PCDHGB1: variants seen among roughly 807,000 people sequenced by gnomAD.
The protein encoded by PCDHGB1 is protocadherin gamma-B1.
A neutral mutation model predicts 56.6 loss-of-function variants in PCDHGB1; 34 were observed. The observed-to-expected ratio is 0.60, with a 90% CI of 0.46 to 0.80. The LOEUF (loss-of-function observed/expected upper bound fraction) is 0.80. Ranked by LOEUF, PCDHGB1 falls within the 30% of genes least tolerant of loss-of-function variation. The probability of loss-of-function intolerance (pLI) is 0.00; values close to 1 mark genes in which losing one functional copy is unlikely to be tolerated. For synonymous variants in PCDHGB1, 561 were observed against 505.9 expected (o/e 1.11, Z -1.46); for missense variants, 1,278 against 1,204.6 (o/e 1.06, Z -0.90).
rs746309479 is a variant in PCDHGB1, at chr5:141,389,523, C to T, written c.2409+36854C>T. 36 of 1,613,164 alleles carry T rather than the reference C, an allele frequency of 2.2e-5. No homozygotes were observed. Among genetic ancestry groups the T allele is most frequent in the East Asian group, 4.5e-5 (2 of 44,878 alleles). On this transcript the variant is annotated intron_variant, in intron 1 of 3. Coordinates refer to ENST00000523390, the MANE Select transcript of PCDHGB1 (RefSeq NM_018922.3). ...AGCGCTCAGCGCGAACGTGAGCCTG[C>T]GCGTGTTAGTGGACGACCGCAACGA...
rs1334650353 is a variant in PCDHGB1, at chr5:141,493,099, A to T, written c.2410-1708A>T. Among the ~76,000 whole-genome samples, 1 of 152,192 alleles carries T rather than the reference A, an allele frequency of 6.6e-6. No homozygotes were observed. Among genetic ancestry groups the T allele is most frequent in the East Asian group, 1.9e-4 (1 of 5,198 alleles). On this transcript the variant is annotated intron_variant, in intron 1 of 3. Coordinates refer to ENST00000523390, the MANE Select transcript of PCDHGB1 (RefSeq NM_018922.3). This position sits in a 1 kb window ranked among gnomAD's most constrained non-coding sequence, Gnocchi z 4.3. ...CTCCAGGAGCTTTTATTCAAAATAT[A>T]TCAATGCCTAACTCTGCTCCTAGGA... is the stretch of plus-strand genomic sequence containing the variant.
At chr5:141,458,632 C>T (rs779075931) in intron 1 of PCDHGB1, among the ~76,000 whole-genome samples, 1 of 151,898 alleles carries the variant, frequency 6.6e-6, no homozygotes, top group Non-Finnish European at 1.5e-5. Context: ...TGCAGTGGCA[C>T]AATCCCAGCT....
At chr5:141,496,581 C>T (rs868326584) in intron 2 of PCDHGB1, among the ~76,000 whole-genome samples, 9 of 152,134 alleles carry the variant, frequency 5.9e-5, no homozygotes, top group African/African-American at 1.9e-4. Flanking sequence ...ATTTTAGGAA[C>T]GCAAAGCGCT....
At chr5:141,427,944 A>C (rs780874108) in intron 1 of PCDHGB1, 63 of 1,586,294 alleles carry the variant, frequency 4.0e-5, no homozygotes, top group Non-Finnish European at 8.6e-6. Context: ...GGGCGACCTC[A>C]ATGACAATGT....
At position 141,374,492 on chromosome 5, in the gene PCDHGB1, G is replaced by A. The variant is rs770971184; in HGVS notation, c.2409+21823G>A. The A allele has an allele frequency of 5.3e-5, 85 of 1,611,364 alleles. No individual in the cohort carries two copies. The highest frequency in any genetic ancestry group is 6.9e-5 in the Non-Finnish European group (81 of 1,177,766). On this transcript the variant is annotated intron_variant, in intron 1 of 3. Transcript: ENST00000523390. ...CAATACACCCCGATTCTTAAAGGAA[G>A]AATTGGAAGTGAAAATTCTCGAAAA... is the stretch of plus-strand genomic sequence containing the variant.
At chr5:141,413,344 G>A in intron 1 of PCDHGB1, 1 of 1,613,986 alleles carries the variant, frequency 6.2e-7, no homozygotes. Context: ...CAAGGACTTG[G>A]GTCTGGCGCC....
intron 1 of PCDHGB1, chr5:141,384,170 C>A: frequency 6.2e-7 from 1 of 1,613,736 alleles, no homozygotes; most frequent in Non-Finnish European, 8.5e-7. Flanking sequence ...ACACTGAAAG[C>A]CACAGATGGT....
At chr5:141,428,220 C>T (rs1228544858) in intron 1 of PCDHGB1, 1 of 1,178,786 alleles carries the variant, frequency 8.5e-7, no homozygotes. Flanking sequence ...ACCTAGTCTT[C>T]GCAGACAGCC....
intron 1 of PCDHGB1, among the ~76,000 whole-genome samples, chr5:141,452,165 C>G (rs917431071): frequency 2.6e-5 from 4 of 152,120 alleles, no homozygotes; most frequent in African/African-American, 9.7e-5. Flanking sequence ...TATTCTATTA[C>G]TAACATTTTT....
Position 141,489,417 on chromosome 5 carries a change from G to A in PCDHGB1, c.2410-5390G>A, listed in dbSNP as rs1020232739. On this transcript the variant is annotated intron_variant, in intron 1 of 3. Coordinates refer to ENST00000523390, the MANE Select transcript of PCDHGB1 (RefSeq NM_018922.3). This position sits in a 1 kb window ranked among gnomAD's most constrained non-coding sequence, Gnocchi z 4.5. ...ATCTGGGCTTAAAGATGACAGATCT[G>A]TTGAGCCGGCGGCTGCAATTGGGCT... The A allele has an allele frequency of 1.2e-6, 2 of 1,614,172 alleles. No individual in the cohort carries two copies. The highest frequency in any genetic ancestry group is 3.3e-5 in the Admixed American group (2 of 60,030).
At position 141,486,092 on chromosome 5, in the gene PCDHGB1, C is replaced by T. The variant is rs2099624294; in HGVS notation, c.2410-8715C>T. The T allele has an allele frequency of 3.7e-6, 6 of 1,614,148 alleles. No homozygotes were observed. In the East Asian group the frequency reaches 1.3e-4, roughly 36 times the overall value. On this transcript the variant is annotated intron_variant, in intron 1 of 3. Coordinates refer to ENST00000523390, the MANE Select transcript of PCDHGB1 (RefSeq NM_018922.3). This position sits in a 1 kb window ranked among gnomAD's most constrained non-coding sequence, Gnocchi z 5.0. Reference sequence around the variant, plus strand: ...TACTGGAAAGCTTACTCTTTTGGGGCCCCTAGACTTTGAGAGTGAGAATTA... The same window carrying T: ...TACTGGAAAGCTTACTCTTTTGGGGTCCCTAGACTTTGAGAGTGAGAATTA...
At chr5:141,361,627 C>T (rs1389094962) in intron 1 of PCDHGB1, 12 of 1,613,918 alleles carry the variant, frequency 7.4e-6, no homozygotes, top group Admixed American at 1.7e-5. Context: ...CGACCTGAAG[C>T]CGCGGGAGAT....
chr5:141,423,494 A>C lies in PCDHGB1; in HGVS notation c.2409+70825A>C, dbSNP rs753859784. ...CAGGCTTTCCTGCAAACCTATTCCCACGAGGTCTCTCTCATTGCGGACTCG... is the reference window on the plus strand; with the variant it reads ...CAGGCTTTCCTGCAAACCTATTCCCCCGAGGTCTCTCTCATTGCGGACTCG... On this transcript the variant is annotated intron_variant, in intron 1 of 3. Transcript: ENST00000523390. The C allele has an allele frequency of 3.8e-5, 61 of 1,613,842 alleles. No individual in the cohort carries two copies. The highest frequency in any genetic ancestry group is 5.9e-6 in the Non-Finnish European group (7 of 1,179,940).
intron 1 of PCDHGB1, among the ~76,000 whole-genome samples, chr5:141,358,059 G>A (rs1239093738): frequency 6.6e-6 from 1 of 152,188 alleles, no homozygotes; most frequent in Non-Finnish European, 1.5e-5. Context: ...GCGTGGTGGT[G>A]TGTGCCCGTA....
chr5:141,375,025 TTA>T (rs778119379), intron 1 of PCDHGB1: 2 of 1,614,042 alleles, frequency 1.2e-6, no homozygotes, highest in East Asian at 4.5e-5. Flanking sequence ...ACTCGAGTTT[TTA>T]TGAGCTGGGT....
rs934206266 is a variant in PCDHGB1, at chr5:141,483,131, G to A, written c.2410-11676G>A. Among the ~76,000 whole-genome samples, 14 of 152,274 alleles carry A rather than the reference G, an allele frequency of 9.2e-5. No individual in the cohort carries two copies. The South Asian group carries it at 2.9e-3, about 32-fold the overall frequency. On this transcript the variant is annotated intron_variant, in intron 1 of 3. Transcript: ENST00000523390. ...AACAGACAGTCTTTGTAGGAGATGA[G>A]GTGAAGCAAGTAGGCAGGAGTTAGA...
intron 1 of PCDHGB1, chr5:141,478,437 A>G (rs2099455876): frequency 6.2e-7 from 1 of 1,613,758 alleles, no homozygotes; most frequent in African/African-American, 1.3e-5. Flanking sequence ...CCGCTGCTGA[A>G]GAAACCTGGT....
At chr5:141,465,488 G>A (rs2099104080) in intron 1 of PCDHGB1, among the ~76,000 whole-genome samples, 1 of 152,224 alleles carries the variant, frequency 6.6e-6, no homozygotes. Flanking sequence ...AGAGGAATGA[G>A]CGGGAGCATT....
chr5:141,419,196 A>G (rs2096342064), intron 1 of PCDHGB1: 1 of 1,613,994 alleles, frequency 6.2e-7, no homozygotes, highest in Middle Eastern at 1.6e-4. Context: ...ACTGACGTCA[A>G]TGACAACGCG....
Sources: allele counts gnomAD v4.1 joint callset (sites outside exome capture counted in the v4.1 genomes callset), GRCh38; gene constraint gnomAD v4.1.1; non-coding constraint Gnocchi (gnomAD v3.1); transcripts MANE v1.5; gene names NCBI Gene and HGNC (gene_info 2026-07-23, HGNC 2026-07-21).